The following IL33 variants were observed in gnomAD, a reference collection of about 807,000 sequenced individuals.
The protein encoded by IL33 is interleukin-33.
In IL33, 37 loss-of-function variants were observed where a neutral mutation model predicts 27.3. The observed-to-expected ratio is 1.36, with a 90% CI of 1.04 to 1.78. IL33 has a LOEUF of 1.78. Ranked by LOEUF, IL33 falls within the 40% of genes most tolerant of loss-of-function variation. The probability of loss-of-function intolerance (pLI) is 0.00; values close to 1 mark genes in which losing one functional copy is unlikely to be tolerated. For missense variants in IL33, 406 were observed against 311.4 expected, an observed-to-expected ratio of 1.30 and a Z score of -2.29; for synonymous variants, 132 against 102.9, an observed-to-expected ratio of 1.28 and a Z score of -1.71.
At chr9:6,222,685 A>G (rs527430845) in intron 1 of IL33, among the ~76,000 whole-genome samples, 17 of 152,356 alleles carry the variant, frequency 1.1e-4, no homozygotes, top group African/African-American at 3.8e-4. Context: ...AATTTAGCAC[A>G]TGGAATCCCC....
chr9:6,228,291 A>G (rs1351827925), intron 1 of IL33, among the ~76,000 whole-genome samples: 1 of 152,108 alleles, frequency 6.6e-6, no homozygotes, highest in Non-Finnish European at 1.5e-5. Flanking sequence ...TTACAGACCA[A>G]GACTCTGTCT....
intron 1 of IL33, among the ~76,000 whole-genome samples, chr9:6,237,061 A>G (rs1819258447): frequency 6.6e-6 from 1 of 152,174 alleles, no homozygotes; most frequent in African/African-American, 2.4e-5. Flanking sequence ...ATATAAGTAG[A>G]ACTGGGATGT....
intron 1 of IL33, 40 bp from the exon 2 acceptor site, chr9:6,241,644 G>C (rs1442409758): frequency 6.2e-6 from 8 of 1,284,556 alleles, no homozygotes; most frequent in Non-Finnish European, 8.8e-6. Flanking sequence ...TTGTTTTTAA[G>C]TTGAGACAAA....
chr9:6,230,325 G>A (rs888127565), intron 1 of IL33, among the ~76,000 whole-genome samples: 1 of 152,078 alleles, frequency 6.6e-6, no homozygotes, highest in Non-Finnish European at 1.5e-5. Context: ...CTTTCCCTAG[G>A]AGAAGTGTTC....
chr9:6,217,774 T>C (rs1216558579), intron 1 of IL33, among the ~76,000 whole-genome samples: 1 of 152,192 alleles, frequency 6.6e-6, no homozygotes, highest in African/African-American at 2.4e-5. Context: ...CACATGAATA[T>C]ATGCCTCCAG....
At chr9:6,248,745 T>C (rs755220678) in intron 2 of IL33, among the ~76,000 whole-genome samples, 5 of 151,808 alleles carry the variant, frequency 3.3e-5, no homozygotes, top group Non-Finnish European at 7.4e-5. Context: ...CAGCTACTTT[T>C]TTTTTTTAAA....
At chr9:6,229,752 T>C (rs1261921744) in intron 1 of IL33, among the ~76,000 whole-genome samples, 4 of 152,148 alleles carry the variant, frequency 2.6e-5, no homozygotes, top group Non-Finnish European at 5.9e-5. Context: ...GAAATAAAGA[T>C]GACTAAAGCA....
intron 2 of IL33, among the ~76,000 whole-genome samples, chr9:6,246,484 C>T (rs1819864950): frequency 6.6e-6 from 1 of 152,112 alleles, no homozygotes; most frequent in African/African-American, 2.4e-5. Context: ...ATTGCTGGAA[C>T]CCAGGAGGCA....
chr9:6,219,409 T>C (rs949355412), intron 1 of IL33, among the ~76,000 whole-genome samples: 2 of 152,104 alleles, frequency 1.3e-5, no homozygotes, highest in South Asian at 2.1e-4. Flanking sequence ...TTCCTCCCTA[T>C]AGCGGACTCC....
At chr9:6,215,924 G>C (rs950831867) in intron 1 of IL33, 72 bp downstream of exon 1, 23 of 144,796 alleles carry the variant, frequency 1.6e-4, no homozygotes, top group African/African-American at 6.0e-4. Context: ...ATGGAGAACT[G>C]TGTTTTTTTT....
At chr9:6,238,090 T>C (rs1295830240) in intron 1 of IL33, among the ~76,000 whole-genome samples, 2 of 152,188 alleles carry the variant, frequency 1.3e-5, no homozygotes, top group Admixed American at 1.3e-4. Flanking sequence ...CAGTTCTGAT[T>C]ATTTTCTTCC....
intron 1 of IL33, among the ~76,000 whole-genome samples, chr9:6,229,836 A>G (rs1053153114): frequency 3.9e-5 from 6 of 152,160 alleles, no homozygotes; most frequent in Non-Finnish European, 4.4e-5. Context: ...TATTATATAT[A>G]TAATAGATAA....
At chr9:6,254,133 T>C (rs1020843856) in intron 6 of IL33, among the ~76,000 whole-genome samples, 18 of 152,214 alleles carry the variant, frequency 1.2e-4, no homozygotes, top group African/African-American at 4.3e-4. Context: ...AATGTTCTAT[T>C]ACTATCCCAA....
intron 4 of IL33, among the ~76,000 whole-genome samples, chr9:6,252,043 AC>A (rs746213543): frequency 0.15 from 8,110 of 53,952 alleles, 954 homozygotes; most frequent in East Asian, 0.38. Flanking sequence ...CAGAAAAAAA[AC>A]AAACAAACAA....
In IL33 at chr9:6,252,875, C is replaced by G; in HGVS notation, c.353C>G (p.Pro118Arg). 6.2e-7 allele frequency: 1 copy of G among 1,602,016 alleles called. No individual in the cohort carries two copies. Among genetic ancestry groups the G allele is most frequent in the South Asian group, 1.1e-5 (1 of 88,070 alleles). ...GAATTCTTAACAACAGGAATTTCAC[C>G]TATTACAGAGTATCTTGCTTCTCTA... Reference protein sequence around the residue: ...LHDSSITGISPITEYLASLST... With the variant: ...LHDSSITGISRITEYLASLST... Residue 118 changes from proline to arginine, a missense_variant, in exon 5 of 8, where the codon CCT (proline) becomes CGT (arginine). Coordinates refer to ENST00000682010, the MANE Select transcript of IL33 (RefSeq NM_033439.4).
In IL33 at chr9:6,253,575, G is replaced by C; in HGVS notation, c.493G>C (p.Glu165Gln). 6.2e-7 allele frequency: 1 copy of C among 1,608,766 alleles called. No individual in the cohort carries two copies. The change falls in exon 6 of 8, where the codon GAG (glutamate) becomes CAG (glutamine). Residue 165 changes from glutamate (E) to glutamine (Q), a missense_variant. Glu to Gln is a conservative substitution (Grantham distance 29, BLOSUM62 2). Coordinates refer to ENST00000682010, the MANE Select transcript of IL33 (RefSeq NM_033439.4). ...AGATAAGGTGTTACTGAGTTACTAT[G>C]AGTCTCAACACCCCTCAAATGAATC... ...KKDKVLLSYYESQHPSNESGD... is the reference protein window; with the variant it reads ...KKDKVLLSYYQSQHPSNESGD...
chr9:6,249,971 G>T (rs1392919178), intron 2 of IL33, among the ~76,000 whole-genome samples: 1 of 152,156 alleles, frequency 6.6e-6, no homozygotes, highest in African/African-American at 2.4e-5. Context: ...AAGGAGAAAA[G>T]ATTGCACATT....
At chr9:6,239,644 T>A (rs145957893) in intron 1 of IL33, among the ~76,000 whole-genome samples, 2 of 152,288 alleles carry the variant, frequency 1.3e-5, no homozygotes, top group African/African-American at 4.8e-5. Flanking sequence ...TTTCATTTAT[T>A]AAACTTCTGC....
At chr9:6,255,340 A>C (rs1211332357) in intron 7 of IL33, among the ~76,000 whole-genome samples, 2 of 152,190 alleles carry the variant, frequency 1.3e-5, no homozygotes, top group African/African-American at 2.4e-5. Context: ...CTTCCTAAGC[A>C]AAACATTCCT....
Sources: gnomAD v4.1 joint callset for allele counts (sites outside exome capture counted in the v4.1 genomes callset) on GRCh38, gnomAD v4.1.1 for gene constraint, MANE v1.5 for transcripts, NCBI Gene and HGNC (gene_info 2026-07-23, HGNC 2026-07-21) for gene names.